HS3ST3A1: variants seen among roughly 807,000 people sequenced by gnomAD.
HS3ST3A1 encodes heparan sulfate glucosamine 3-O-sulfotransferase 3A1.
In HS3ST3A1, 19 loss-of-function variants were observed where a neutral mutation model predicts 25.7. That is an observed-to-expected ratio of 0.74 (90% CI 0.52 to 1.08). HS3ST3A1 has a LOEUF of 1.08. Ranked by LOEUF, HS3ST3A1 falls within the 50% of genes least tolerant of loss-of-function variation. HS3ST3A1 has a pLI of 0.00. For synonymous variants in HS3ST3A1, 226 were observed against 278.6 expected, an observed-to-expected ratio of 0.81 and a Z score of 1.88; for missense variants, 459 against 594.3, an observed-to-expected ratio of 0.77 and a Z score of 2.37.
rs1048922643 is a variant in HS3ST3A1, at chr17:13,581,393, G to C, written c.599+19138C>G. ...GAGGCATGAGAATCACTTGAACCCG[G>C]GAGAGAGAGGTTGCAGTGGGCTGAG... On this transcript the variant is annotated intron_variant, in intron 1 of 1. Transcript: ENST00000284110. Among the ~76,000 whole-genome samples the C allele has an allele frequency of 3.8e-4, 57 of 151,428 alleles. 1 individual carries two copies. The highest frequency in any genetic ancestry group is 1.5e-5 in the Non-Finnish European group (1 of 67,938).
chr17:13,591,748 T>C (rs1908432364), intron 1 of HS3ST3A1, among the ~76,000 whole-genome samples: 1 of 150,832 alleles, frequency 6.6e-6, no homozygotes, highest in Admixed American at 6.7e-5. Flanking sequence ...AGCCTCTGCC[T>C]CCTGGGCTTA....
intron 1 of HS3ST3A1, among the ~76,000 whole-genome samples, chr17:13,588,437 C>T (rs1290200800): frequency 6.6e-6 from 1 of 152,154 alleles, no homozygotes; most frequent in African/African-American, 2.4e-5. Context: ...CTTAGTTTCT[C>T]AAGGGGCCCT....
chr17:13,520,617 T>G (rs1008522643), intron 1 of HS3ST3A1, among the ~76,000 whole-genome samples: 3 of 151,932 alleles, frequency 2.0e-5, no homozygotes, highest in Non-Finnish European at 4.4e-5. Context: ...TTTCTTTCTT[T>G]CTTTTTTTTT....
intron 1 of HS3ST3A1, among the ~76,000 whole-genome samples, chr17:13,585,868 C>A (rs59129335): frequency 1.1e-4 from 7 of 66,478 alleles, no homozygotes; most frequent in South Asian, 6.4e-4. Flanking sequence ...TTTTTTTTTT[C>A]TGACAGAGTC....
intron 1 of HS3ST3A1, among the ~76,000 whole-genome samples, chr17:13,576,633 G>A (rs1211276835): frequency 6.6e-6 from 1 of 152,166 alleles, no homozygotes; most frequent in Admixed American, 6.5e-5. Flanking sequence ...TGACTTTGTG[G>A]ACATATCTGG....
chr17:13,579,755 T>A (rs1424453265), intron 1 of HS3ST3A1, among the ~76,000 whole-genome samples: 1 of 134,020 alleles, frequency 7.5e-6, no homozygotes, highest in African/African-American at 2.8e-5. Flanking sequence ...TTTGGGAGAC[T>A]GACAGAACTC....
At chr17:13,504,054 C>T (rs1905576221) in intron 1 of HS3ST3A1, among the ~76,000 whole-genome samples, 1 of 152,182 alleles carries the variant, frequency 6.6e-6, no homozygotes, top group African/African-American at 2.4e-5. Context: ...GTGGCTCACA[C>T]CTGTAATCCC....
At chr17:13,561,712 A>G (rs1031288776) in intron 1 of HS3ST3A1, among the ~76,000 whole-genome samples, 1 of 152,016 alleles carries the variant, frequency 6.6e-6, no homozygotes, top group Non-Finnish European at 1.5e-5. Flanking sequence ...TCTTAAATGC[A>G]TTGTCCACAA....
chr17:13,567,285 G>GA (rs776689253), intron 1 of HS3ST3A1, among the ~76,000 whole-genome samples: 9 of 151,736 alleles, frequency 5.9e-5, no homozygotes, highest in Non-Finnish European at 5.9e-5. Flanking sequence ...CTACTGCTCA[G>GA]AAAAAAAAGA....
intron 1 of HS3ST3A1, among the ~76,000 whole-genome samples, chr17:13,591,206 C>T (rs530268391): frequency 3.3e-5 from 5 of 151,980 alleles, no homozygotes; most frequent in East Asian, 3.9e-4. Context: ...CCACCACACC[C>T]GGCTAATCTT....
intron 1 of HS3ST3A1, among the ~76,000 whole-genome samples, chr17:13,531,603 C>G (rs2052603042): frequency 6.6e-6 from 1 of 151,000 alleles, no homozygotes; most frequent in African/African-American, 2.4e-5. Context: ...AAATCTTGGC[C>G]CAGACTAAGC....
intron 1 of HS3ST3A1, among the ~76,000 whole-genome samples, chr17:13,580,625 G>T (rs1332997354): frequency 1.3e-5 from 2 of 152,156 alleles, no homozygotes; most frequent in African/African-American, 4.8e-5. Flanking sequence ...AGGTGCAGTG[G>T]CTCACGCCTG....
intron 1 of HS3ST3A1, among the ~76,000 whole-genome samples, chr17:13,568,574 T>C (rs1330746153): frequency 9.2e-5 from 14 of 152,254 alleles, no homozygotes; most frequent in Non-Finnish European, 1.6e-4. Context: ...TTTAATATTT[T>C]CTTTTGTTTC....
rs143374372 is a variant in HS3ST3A1, at chr17:13,598,669, T to C, written c.599+1862A>G. 1.0e-3 allele frequency among the ~76,000 whole-genome samples: 157 copies of C among 152,128 alleles called. 1 individual carries two copies. Among genetic ancestry groups the C allele is most frequent in the African/African-American group, 3.1e-3 (129 of 41,488 alleles). ...GGCCTACAAGTTTATGACTCTTTTT[T>C]TTTCTTTCTTTCTTTTTTTTAAAAA... On this transcript the variant is annotated intron_variant, in intron 1 of 1. Coordinates refer to ENST00000284110, the MANE Select transcript of HS3ST3A1 (RefSeq NM_006042.3).
rs558826983 is a variant in HS3ST3A1, at chr17:13,543,531, T to A, written c.600-46713A>T. ...AAGACATTATGGCTGTTTTTAAATA[T>A]CTGAAGACAGTGACTACTTTTAGGT... On this transcript the variant is annotated intron_variant, in intron 1 of 1. Coordinates refer to ENST00000284110, the MANE Select transcript of HS3ST3A1 (RefSeq NM_006042.3). 4 of 168,062 alleles carry A rather than the reference T, an allele frequency of 2.4e-5. No homozygotes were observed. In the South Asian group the frequency reaches 8.3e-4, roughly 35 times the overall value. The allele number at this position is 168,062 out of a possible 1,614,324, so 10.4% of individuals were successfully genotyped here. A position where few individuals can be genotyped will look rare whatever the true frequency, so the allele number is the denominator to read the frequency against.
intron 1 of HS3ST3A1, among the ~76,000 whole-genome samples, chr17:13,500,026 A>G (rs774101737): frequency 2.4e-4 from 37 of 152,280 alleles, no homozygotes; most frequent in African/African-American, 8.7e-4. Context: ...GCAATCTTAA[A>G]TTATTTTTTT....
intron 1 of HS3ST3A1, among the ~76,000 whole-genome samples, chr17:13,514,018 T>C (rs567262570): frequency 6.6e-6 from 1 of 152,226 alleles, no homozygotes; most frequent in South Asian, 2.1e-4. Context: ...AGGGAAATGA[T>C]TTTTTAATAT....
chr17:13,531,198 C>G (rs5019434), intron 1 of HS3ST3A1, among the ~76,000 whole-genome samples: 66,500 of 152,078 alleles, frequency 0.44, 16,276 homozygotes, highest in African/African-American at 0.67. Flanking sequence ...CATGGGTTGA[C>G]TTTGCTCAAA....
intron 1 of HS3ST3A1, among the ~76,000 whole-genome samples, chr17:13,581,424 G>A (rs1181511089): frequency 6.8e-6 from 1 of 147,036 alleles, no homozygotes; most frequent in Non-Finnish European, 1.5e-5. Context: ...CTGAGATCGA[G>A]CCACTGCACT....
Sources: allele counts gnomAD v4.1 joint callset (sites outside exome capture counted in the v4.1 genomes callset), GRCh38; gene constraint gnomAD v4.1.1; transcripts MANE v1.5; gene names NCBI Gene and HGNC (gene_info 2026-07-23, HGNC 2026-07-21).